The following USP37 variants were observed in gnomAD, a reference collection of about 807,000 sequenced individuals.
The protein encoded by USP37 is ubiquitin carboxyl-terminal hydrolase 37.
USP37 carries 27 observed loss-of-function variants against 124.0 expected under a neutral mutation model. That is an observed-to-expected ratio of 0.22 (90% CI 0.16 to 0.30). The LOEUF (loss-of-function observed/expected upper bound fraction) is 0.30. USP37 is among the 10% of genes least tolerant of loss of function. The pLI is 1.00. For synonymous variants in USP37, 365 were observed against 388.0 expected, an observed-to-expected ratio of 0.94 and a Z score of 0.70; for missense variants, 889 against 1,140.4, an observed-to-expected ratio of 0.78 and a Z score of 3.17.
chr2:218,488,665 C>T (rs763279365), intron 14 of USP37, among the ~76,000 whole-genome samples: 13 of 152,186 alleles, frequency 8.5e-5, no homozygotes, highest in Non-Finnish European at 1.8e-4. Context: ...GATGCAGTTT[C>T]GCTCTTGTCA....
At chr2:218,462,231 A>T (rs1278985161) in intron 22 of USP37, among the ~76,000 whole-genome samples, 3 of 152,086 alleles carry the variant, frequency 2.0e-5, no homozygotes, top group Admixed American at 6.5e-5. Context: ...GCTACTCAGG[A>T]GGCTGAGGCA....
chr2:218,501,140 G>A (rs1689363317), intron 11 of USP37: 1 of 151,142 alleles, frequency 6.6e-6, no homozygotes, highest in Non-Finnish European at 1.5e-5. Flanking sequence ...CCCGGACTCA[G>A]ATGATCCTCC....
chr2:218,546,837 C>T, intron 7 of USP37, 82 bp downstream of exon 7: 2 of 1,462,362 alleles, frequency 1.4e-6, no homozygotes, highest in Non-Finnish European at 9.3e-7. Context: ...TACTTTATTT[C>T]TCCTCAAATT....
At chr2:218,553,500 G>A in intron 5 of USP37, 53 bp downstream of exon 5, 1 of 1,521,018 alleles carries the variant, frequency 6.6e-7, no homozygotes, top group Non-Finnish European at 8.9e-7. Context: ...CTGTAGTCTA[G>A]TCATAGCCTT....
In USP37 at chr2:218,476,404, T is replaced by A. The variant is rs114113399; in HGVS notation, c.2043+436A>T. Among the ~76,000 whole-genome samples the A allele has an allele frequency of 1.1e-3, 161 of 148,164 alleles. 2 individuals are homozygous for A. Among genetic ancestry groups the A allele is most frequent in the African/African-American group, 3.7e-3 (153 of 41,208 alleles). On this transcript the variant is annotated intron_variant, in intron 19 of 25. Coordinates refer to ENST00000258399, the MANE Select transcript of USP37 (RefSeq NM_020935.3). The stretch of plus-strand genomic sequence containing the variant: ...GCCTAGGTCACACAGTAAGACCTTG[T>A]CTCTACAAAAAATTTTAAAAACTAG...
chr2:218,521,463 A>G (rs1024940029), intron 10 of USP37, among the ~76,000 whole-genome samples: 3 of 151,928 alleles, frequency 2.0e-5, no homozygotes, highest in Non-Finnish European at 4.4e-5. Flanking sequence ...TGCATTACAT[A>G]TTTGTCCTAA....
chr2:218,457,727 A>G (rs1689768101), intron 23 of USP37, among the ~76,000 whole-genome samples: 1 of 152,160 alleles, frequency 6.6e-6, no homozygotes, highest in Non-Finnish European at 1.5e-5. Flanking sequence ...ATATTCATGC[A>G]CTGCAGACAG....
intron 20 of USP37, among the ~76,000 whole-genome samples, chr2:218,467,894 T>G (rs1465565971): frequency 4.0e-5 from 6 of 151,602 alleles, no homozygotes; most frequent in East Asian, 1.9e-4. Context: ...TTTTTTTGTT[T>G]TTTTTTTTTT....
In USP37 at chr2:218,496,897, C is replaced by T. The variant is rs145054326; in HGVS notation, c.1281+837G>A. 6.7e-3 allele frequency among the ~76,000 whole-genome samples: 1,012 copies of T among 152,102 alleles called. 13 individuals are homozygous for T. The highest frequency in any genetic ancestry group is 0.023 in the African/African-American group (968 of 41,490). On this transcript the variant is annotated intron_variant, in intron 13 of 25. Transcript: ENST00000258399. ...AACTCCTGACCTCAGATGATCCACC[C>T]GCCTCGGCCTCTCAAAGTGCTGGGA...
chr2:218,482,845 C>G (rs115404125), intron 16 of USP37, among the ~76,000 whole-genome samples: 2 of 152,106 alleles, frequency 1.3e-5, no homozygotes, highest in Non-Finnish European at 2.9e-5. Flanking sequence ...GCACTGAATT[C>G]TTTGTGGTTA....
In USP37 at chr2:218,466,108, A is replaced by T; in HGVS notation, c.2368T>A (p.Ser790Thr). 4.3e-6 allele frequency: 7 copies of T among 1,613,936 alleles called. No individual in the cohort carries two copies. The highest frequency in any genetic ancestry group is 5.9e-6 in the Non-Finnish European group (7 of 1,179,982). ...ENKENKTPEGSQGEVDWLQQY... is the reference protein window; with the variant it reads ...ENKENKTPEGTQGEVDWLQQY... ...TGGAGCCAATCAACTTCTCCCTGAGATCCTTCTGGAGTTTTGTTTTCTTTA... is the reference window on the plus strand; with the variant it reads ...TGGAGCCAATCAACTTCTCCCTGAGTTCCTTCTGGAGTTTTGTTTTCTTTA... The change falls in exon 21 of 26, where the codon TCT becomes ACT. Residue 790 changes from serine to threonine, a missense_variant. Physicochemically the swap from Ser to Thr is moderately conservative, Grantham distance 58. This residue lies in a region of USP37 where 504 missense variants were observed against 714.3 expected (regional missense o/e 0.71). Coordinates refer to ENST00000258399, the MANE Select transcript of USP37 (RefSeq NM_020935.3).
intron 10 of USP37, among the ~76,000 whole-genome samples, chr2:218,519,657 GAC>G (rs1276594016): frequency 1.3e-5 from 2 of 151,310 alleles, no homozygotes; most frequent in Non-Finnish European, 2.9e-5. Flanking sequence ...TTTTTTCTGA[GAC>G]ACAGTCTCCC....
At chr2:218,540,803 T>C (rs1366336700) in intron 8 of USP37, among the ~76,000 whole-genome samples, 1 of 152,170 alleles carries the variant, frequency 6.6e-6, no homozygotes, top group Non-Finnish European at 1.5e-5. Flanking sequence ...CCTTGACCAG[T>C]ATTACTATCC....
At position 218,558,379 on chromosome 2, in the gene USP37, TAAG is replaced by T. The variant is rs1478102455; in HGVS notation, c.156+116_156+118del. On this transcript the variant is annotated intron_variant, in intron 4 of 25. Transcript: ENST00000258399. ...CATAAAAATATTAATGTCCTAGAAATAAGAAGCAAGAAATATTAATCTAGGAGG... is the reference window on the plus strand; with the variant it reads ...CATAAAAATATTAATGTCCTAGAAATAAGCAAGAAATATTAATCTAGGAGG... The T allele has an allele frequency of 5.5e-6, 5 of 916,666 alleles. No individual in the cohort carries two copies. The East Asian group carries it at 7.9e-5, about 15-fold the overall frequency. The allele number at this position is 916,666 out of a possible 1,614,324, so 56.8% of individuals were successfully genotyped here.
At chr2:218,476,729 A>G in intron 19 of USP37, 111 bp downstream of exon 19, 1 of 1,189,050 alleles carries the variant, frequency 8.4e-7, no homozygotes, top group Non-Finnish European at 1.1e-6. Flanking sequence ...GTAGCCAGAG[A>G]AGGCATTTTC....
chr2:218,561,926 C>CACA (rs1693334140), intron 2 of USP37, among the ~76,000 whole-genome samples: 1 of 152,154 alleles, frequency 6.6e-6, no homozygotes, highest in Admixed American at 6.5e-5. Flanking sequence ...CCTTTGCATA[C>CACA]ACAGAGGTCA....
At chr2:218,566,337 A>C (rs1189974387) in intron 1 of USP37, among the ~76,000 whole-genome samples, 1 of 152,218 alleles carries the variant, frequency 6.6e-6, no homozygotes, top group Non-Finnish European at 1.5e-5. Context: ...GAGAGGAGGA[A>C]GATGAAGTTA....
chr2:218,473,423 A>G (rs1411897985), intron 20 of USP37, among the ~76,000 whole-genome samples: 1 of 152,248 alleles, frequency 6.6e-6, no homozygotes, highest in Non-Finnish European at 1.5e-5. Flanking sequence ...TTTTGCTTCC[A>G]GTTAAATGGG....
chr2:218,563,186 G>A (rs551299567), intron 1 of USP37, among the ~76,000 whole-genome samples: 28 of 148,628 alleles, frequency 1.9e-4, no homozygotes, highest in Non-Finnish European at 3.7e-4. Flanking sequence ...AAAGGAAAGT[G>A]ATCGTTTATA....
Sources: allele counts gnomAD v4.1 joint callset (sites outside exome capture counted in the v4.1 genomes callset), GRCh38; gene constraint gnomAD v4.1.1; regional missense constraint gnomAD v4.1.1; transcripts MANE v1.5; gene names NCBI Gene and HGNC (gene_info 2026-07-23, HGNC 2026-07-21).